ZNF362: variants seen among roughly 807,000 people sequenced by gnomAD.
ZNF362 encodes the protein zinc finger protein 362.
ZNF362 carries 11 observed loss-of-function variants against 42.9 expected under a neutral mutation model. That is an observed-to-expected ratio of 0.26 (90% confidence interval 0.16 to 0.42). The LOEUF (loss-of-function observed/expected upper bound fraction) is 0.42. Among genes scored for constraint, ZNF362 ranks in the 20% least tolerant of loss-of-function variants. ZNF362 has a pLI of 1.00. For synonymous variants in ZNF362, 255 were observed against 257.3 expected (o/e 0.99, Z 0.09); for missense variants, 362 against 576.2 (o/e 0.63, Z 3.81).
the ZNF362 span, among the ~76,000 whole-genome samples, chr1:33,178,775 G>A: frequency 6.6e-6 from 1 of 152,240 alleles, no homozygotes; most frequent in Non-Finnish European, 1.5e-5. Flanking sequence ...GAGTAAGCAA[G>A]TGGCAGTCCT....
At chr1:33,298,907 C>G (rs963973367) in intron 8 of ZNF362, 23 bp from the exon 9 acceptor site, 2 of 1,604,636 alleles carry the variant, frequency 1.2e-6, no homozygotes, top group Non-Finnish European at 8.5e-7. Context: ...GTTCCCTGTT[C>G]TGAATCTCAT....
chr1:33,295,450 A>T (rs1348698134), intron 8 of ZNF362, 145 bp downstream of exon 8: 1 of 1,121,602 alleles, frequency 8.9e-7, no homozygotes, highest in Admixed American at 2.7e-5. Context: ...ACACCCTGAG[A>T]TCACAGGGAA....
At chr1:33,171,568 C>A in the ZNF362 span, among the ~76,000 whole-genome samples, 9 of 152,146 alleles carry the variant, frequency 5.9e-5, no homozygotes, top group African/African-American at 1.9e-4. Flanking sequence ...GAGTGTCAGG[C>A]TTTGTGCTGG....
intron 2 of ZNF362, among the ~76,000 whole-genome samples, chr1:33,273,392 A>C (rs1645919923): frequency 6.6e-6 from 1 of 152,226 alleles, no homozygotes; most frequent in Non-Finnish European, 1.5e-5. Flanking sequence ...CAGGGGTCTG[A>C]TAAGTGGCAG....
intron 2 of ZNF362, among the ~76,000 whole-genome samples, chr1:33,271,800 CTG>C (rs1030328494): frequency 6.6e-6 from 1 of 151,344 alleles, no homozygotes; most frequent in African/African-American, 2.5e-5. Flanking sequence ...CGGTAGATCA[CTG>C]TGTGTCTGCA....
chr1:33,208,058 T>C, the ZNF362 span, among the ~76,000 whole-genome samples: 1 of 152,346 alleles, frequency 6.6e-6, no homozygotes, highest in African/African-American at 2.4e-5. Flanking sequence ...TAGGTTTTCT[T>C]CTAGGGTTTT....
chr1:33,177,431 C>A, the ZNF362 span, among the ~76,000 whole-genome samples: 1 of 152,148 alleles, frequency 6.6e-6, no homozygotes, highest in Non-Finnish European at 1.5e-5. The surrounding 1 kb of genome is among the most constrained non-coding windows in gnomAD (Gnocchi z 4.1). Flanking sequence ...CTTAGAGAAG[C>A]AAAGTGACGT....
the ZNF362 span, chr1:33,182,206 G>C: frequency 1.3e-5 from 2 of 152,156 alleles, no homozygotes; most frequent in Non-Finnish European, 2.9e-5. Context: ...GGGAAGCGAA[G>C]CCCAGCTGTT....
the ZNF362 span, among the ~76,000 whole-genome samples, chr1:33,168,500 T>C: frequency 6.6e-6 from 1 of 152,202 alleles, no homozygotes; most frequent in Non-Finnish European, 1.5e-5. Context: ...TGGGATGAGA[T>C]GCACACAATC....
chr1:33,287,528 A>C (rs1306908336), intron 6 of ZNF362, among the ~76,000 whole-genome samples: 1 of 152,202 alleles, frequency 6.6e-6, no homozygotes, highest in Non-Finnish European at 1.5e-5. Flanking sequence ...GGAGGAAGTT[A>C]AGTTATAGGA....
At chr1:33,211,593 T>C in the ZNF362 span, among the ~76,000 whole-genome samples, 2 of 152,226 alleles carry the variant, frequency 1.3e-5, no homozygotes, top group Non-Finnish European at 2.9e-5. Context: ...GCAGGGTTTC[T>C]GCAGAGAGAT....
chr1:33,162,563 C>T, the ZNF362 span, among the ~76,000 whole-genome samples: 196 of 152,318 alleles, frequency 1.3e-3, no homozygotes, highest in African/African-American at 4.0e-3. Flanking sequence ...GGCTGGCAAT[C>T]AGGAGTTGCT....
the ZNF362 span, among the ~76,000 whole-genome samples, chr1:33,221,822 C>T: frequency 1.3e-5 from 2 of 152,220 alleles, no homozygotes; most frequent in African/African-American, 2.4e-5. Context: ...CCAGCATGAA[C>T]GATGGGGCAG....
chr1:33,212,920 A>G, the ZNF362 span, among the ~76,000 whole-genome samples: 23 of 152,246 alleles, frequency 1.5e-4, no homozygotes, highest in Admixed American at 3.3e-4. Flanking sequence ...TGCCTTATTT[A>G]TAATAGTCAC....
chr1:33,279,311 C>T (rs532400988), intron 4 of ZNF362, among the ~76,000 whole-genome samples: 14 of 152,202 alleles, frequency 9.2e-5, no homozygotes, highest in East Asian at 1.9e-4. Flanking sequence ...AAGCGTGAGC[C>T]GCCGTGCTTG....
chr1:33,170,595 C>G, the ZNF362 span, among the ~76,000 whole-genome samples: 4 of 152,096 alleles, frequency 2.6e-5, no homozygotes, highest in Non-Finnish European at 5.9e-5. Flanking sequence ...GGAGAGAAGG[C>G]CCCCAGCAGG....
chr1:33,174,741 G>C, the ZNF362 span, among the ~76,000 whole-genome samples: 1 of 152,060 alleles, frequency 6.6e-6, no homozygotes, highest in Admixed American at 6.6e-5. Context: ...TTAGGATTCA[G>C]CTCAACAGAG....
At chr1:33,190,106 T>A in the ZNF362 span, among the ~76,000 whole-genome samples, 1,922 of 152,286 alleles carry the variant, frequency 0.013, 29 homozygotes, top group Non-Finnish European at 0.019. Flanking sequence ...GTCTGAGGAC[T>A]AGCTTAAGCA....
chr1:33,235,930 C>A, the ZNF362 span, among the ~76,000 whole-genome samples: 118 of 152,238 alleles, frequency 7.8e-4, 1 homozygote, highest in East Asian at 3.9e-4. Context: ...CACAGAAATC[C>A]AACTTAAAGA....
Sources: allele counts gnomAD v4.1 joint callset (sites outside exome capture counted in the v4.1 genomes callset), GRCh38; gene constraint gnomAD v4.1.1; non-coding constraint Gnocchi (gnomAD v3.1); transcripts MANE v1.5; gene names NCBI Gene and HGNC (gene_info 2026-07-23, HGNC 2026-07-21).